SPAG9: variants seen among roughly 807,000 people sequenced by gnomAD.
The protein encoded by SPAG9 is sperm associated antigen 9.
In SPAG9, 35 loss-of-function variants were observed where a neutral mutation model predicts 166.5. The observed-to-expected ratio is 0.21, with a 90% CI of 0.16 to 0.28. The LOEUF is 0.28. Among genes scored for constraint, SPAG9 ranks in the 10% least tolerant of loss-of-function variants. The probability of loss-of-function intolerance (pLI) is 1.00; values close to 1 mark genes in which losing one functional copy is unlikely to be tolerated. For missense variants in SPAG9, 1,235 were observed against 1,603.3 expected (o/e 0.77, Z 3.92); for synonymous variants, 534 against 565.5 (o/e 0.94, Z 0.79).
At chr17:51,110,510 G>C (rs756168359) in intron 1 of SPAG9, among the ~76,000 whole-genome samples, 2 of 151,450 alleles carry the variant, frequency 1.3e-5, no homozygotes, top group African/African-American at 2.4e-5. Flanking sequence ...GGGCAACATG[G>C]TGAAACCCGT....
intron 3 of SPAG9, among the ~76,000 whole-genome samples, chr17:51,052,394 C>T (rs1411748787): frequency 6.6e-6 from 1 of 152,102 alleles, no homozygotes; most frequent in Middle Eastern, 3.2e-3. Context: ...TTCAAAGCAG[C>T]CCTATATATG....
chr17:50,983,154 G>A (rs1002894248), intron 24 of SPAG9, among the ~76,000 whole-genome samples: 10 of 152,080 alleles, frequency 6.6e-5, no homozygotes, highest in African/African-American at 1.9e-4. Flanking sequence ...TCAGAACCTC[G>A]CTTTGCTTTG....
rs997644599 is a variant in SPAG9 at position 50,964,359 on chromosome 17, G to A, written c.*1913C>T. 5.9e-5 allele frequency: 9 copies of A among 152,488 alleles called. No homozygotes were observed. Among genetic ancestry groups the A allele is most frequent in the African/African-American group, 1.4e-4 (6 of 41,432 alleles). 9.4% of individuals were successfully genotyped at this position (152,488 alleles called of 1,614,324 possible). On this transcript the variant is annotated 3_prime_UTR_variant, in exon 30 of 30. Transcript: ENST00000262013. The stretch of plus-strand genomic sequence containing the variant: ...TTCAAGCACTTCGGGAGGCCAAGGC[G>A]GGTAGATCATCTGAGGTCAGGAGTT...
chr17:51,046,614 C>G, intron 4 of SPAG9: 1 of 1,536,032 alleles, frequency 6.5e-7, no homozygotes. Context: ...GACCACCGCC[C>G]CGCCAACAAA....
rs778696350 is a variant in SPAG9 at position 50,989,700 on chromosome 17, G to A, written c.2790C>T (p.Asp930=). The change falls in exon 21 of 30, where the codon GAC becomes GAT. Residue 930 remains aspartate (D), a synonymous_variant. Transcript: ENST00000262013. ...ACCTCGACTGATACACTGGGGAGAGGTCTTCTGGGATCTGAACTCCCAAAG... is the reference window on the plus strand; with the variant it reads ...ACCTCGACTGATACACTGGGGAGAGATCTTCTGGGATCTGAACTCCCAAAG... ...TDPLGVQIPE[D]LSPVYQSSND... The A allele has an allele frequency of 1.9e-6, 3 of 1,614,098 alleles. No individual in the cohort carries two copies. The Admixed American group carries it at 5.0e-5, about 27-fold the overall frequency.
intron 9 of SPAG9, among the ~76,000 whole-genome samples, chr17:51,011,653 G>A (rs59935198): frequency 0.048 from 7,348 of 152,148 alleles, 528 homozygotes; most frequent in African/African-American, 0.16. Flanking sequence ...AAAGAGCTGG[G>A]ATTACAGGCA....
chr17:50,992,813 A>T (rs1006523024), intron 19 of SPAG9, among the ~76,000 whole-genome samples: 4 of 151,982 alleles, frequency 2.6e-5, no homozygotes, highest in Non-Finnish European at 4.4e-5. Flanking sequence ...GACTAATCTG[A>T]CTGCCCGGGG....
At chr17:51,079,831 G>A in intron 1 of SPAG9, 127 bp from the exon 2 acceptor site, 1 of 583,292 alleles carries the variant, frequency 1.7e-6, no homozygotes, top group Non-Finnish European at 2.8e-6. Flanking sequence ...TTATGACCTT[G>A]GGTTGATTTT....
At chr17:50,976,917 A>T (rs1974248665) in intron 27 of SPAG9, 191 bp downstream of exon 27, 1 of 451,102 alleles carries the variant, frequency 2.2e-6, no homozygotes. Context: ...AAAACTTTTA[A>T]TTATGAGTAT....
intron 2 of SPAG9, among the ~76,000 whole-genome samples, chr17:51,062,403 TA>T (rs1179061750): frequency 1.3e-5 from 2 of 152,172 alleles, no homozygotes; most frequent in African/African-American, 4.8e-5. Flanking sequence ...TTCACTGCCT[TA>T]AAAATCCTGT....
chr17:51,005,185 A>G, intron 12 of SPAG9, 27 bp downstream of exon 12: 1 of 1,608,076 alleles, frequency 6.2e-7, no homozygotes, highest in South Asian at 1.1e-5. Flanking sequence ...GTAAGGTAAG[A>G]AAAAAAGTCC....
intron 1 of SPAG9, among the ~76,000 whole-genome samples, chr17:51,086,471 T>C (rs1263656781): frequency 6.8e-6 from 1 of 147,604 alleles, no homozygotes; most frequent in Non-Finnish European, 1.5e-5. Context: ...TGAGACCCCA[T>C]CTCTACTGAA....
intron 16 of SPAG9, 64 bp from the exon 17 acceptor site, chr17:50,995,597 T>C (rs2044642977): frequency 2.1e-6 from 2 of 944,728 alleles, no homozygotes; most frequent in African/African-American, 1.6e-5. Context: ...AGTGAACTTA[T>C]TACAGATCCA....
intron 12 of SPAG9, among the ~76,000 whole-genome samples, chr17:51,003,291 T>C (rs1382331106): frequency 6.6e-6 from 1 of 152,140 alleles, no homozygotes; most frequent in Admixed American, 6.5e-5. Context: ...TAGTGCAGAT[T>C]TTAAACTAAA....
At chr17:51,096,759 TA>T (rs1013555402) in intron 1 of SPAG9, among the ~76,000 whole-genome samples, 2 of 150,968 alleles carry the variant, frequency 1.3e-5, no homozygotes, top group African/African-American at 2.4e-5. Flanking sequence ...GATCAACAGG[TA>T]AAAAAAAATA....
chr17:51,077,029 TCTATCTAGCTATCTAGCTATCTAGCTAG>T (rs2048010238), intron 2 of SPAG9, among the ~76,000 whole-genome samples: 1 of 65,274 alleles, frequency 1.5e-5, no homozygotes, highest in Non-Finnish European at 3.5e-5. Flanking sequence ...TATCTAGCTA[TCTATCTAGCTATCTAGCTATCTAGCTAG>T]CTATCTAGCT....
chr17:50,985,843 A>C, intron 22 of SPAG9, 65 bp from the exon 23 acceptor site: 1 of 881,836 alleles, frequency 1.1e-6, no homozygotes, highest in Non-Finnish European at 1.8e-6. Context: ...ATATCTAACA[A>C]TGATCGCGAA....
At chr17:51,021,425 T>C in intron 6 of SPAG9, 60 bp from the exon 7 acceptor site, 1 of 1,318,854 alleles carries the variant, frequency 7.6e-7, no homozygotes, top group South Asian at 1.4e-5. Flanking sequence ...TAAACCACAT[T>C]AAATGGGTTG....
chr17:51,079,056 G>A (rs376276566), intron 2 of SPAG9, among the ~76,000 whole-genome samples: 1 of 152,102 alleles, frequency 6.6e-6, no homozygotes, highest in Admixed American at 6.6e-5. Flanking sequence ...GAGTCTGATC[G>A]ATATATCTGG....
Sources: allele counts gnomAD v4.1 joint callset (sites outside exome capture counted in the v4.1 genomes callset), GRCh38; gene constraint gnomAD v4.1.1; transcripts MANE v1.5; gene names NCBI Gene and HGNC (gene_info 2026-07-23, HGNC 2026-07-21).